The following SHC3 variants were observed in gnomAD, a reference collection of about 807,000 sequenced individuals.
SHC3 encodes SHC adaptor protein 3, also known as SHC-transforming protein 3.
A neutral mutation model predicts 60.4 loss-of-function variants in SHC3; 15 were observed. The ratio of observed to expected loss-of-function variants is 0.25; its 90% CI spans 0.17 to 0.38. The LOEUF is 0.38. Among genes scored for constraint, SHC3 ranks in the 10% least tolerant of loss-of-function variants. The pLI is 1.00. For missense variants in SHC3, 677 were observed against 786.1 expected, an observed-to-expected ratio of 0.86 and a Z score of 1.66; for synonymous variants, 294 against 325.9, an observed-to-expected ratio of 0.90 and a Z score of 1.05.
At chr9:89,067,824 T>G (rs1166214399) in intron 5 of SHC3, among the ~76,000 whole-genome samples, 1 of 152,246 alleles carries the variant, frequency 6.6e-6, no homozygotes, top group Non-Finnish European at 1.5e-5. Flanking sequence ...TTACTTGTAT[T>G]TAACTTTCAA....
At chr9:89,067,400 A>G (rs201753317) in intron 5 of SHC3, among the ~76,000 whole-genome samples, 2 of 152,178 alleles carry the variant, frequency 1.3e-5, no homozygotes, top group African/African-American at 4.8e-5. Flanking sequence ...CATTTCCATG[A>G]TTATCTTAAA....
chr9:89,049,261 AAAAAC>A (rs147607442), intron 7 of SHC3, among the ~76,000 whole-genome samples: 21,264 of 149,652 alleles, frequency 0.14, 1,578 homozygotes, highest in Non-Finnish European at 0.17. Context: ...ACTCCCTCTT[AAAAAC>A]AAAACAAAAC....
At chr9:89,040,991 T>G (rs1479724261) in intron 10 of SHC3, among the ~76,000 whole-genome samples, 2 of 152,224 alleles carry the variant, frequency 1.3e-5, no homozygotes, top group Non-Finnish European at 2.9e-5. Flanking sequence ...TTAGTTAACT[T>G]CTAGGATTCT....
At chr9:89,116,772 T>C (rs551819595) in intron 1 of SHC3, among the ~76,000 whole-genome samples, 4 of 152,236 alleles carry the variant, frequency 2.6e-5, no homozygotes, top group South Asian at 2.1e-4. Context: ...ATGAATACCA[T>C]GAACAACATG....
chr9:89,167,898 A>G (rs542024913), intron 1 of SHC3, among the ~76,000 whole-genome samples: 2 of 152,286 alleles, frequency 1.3e-5, no homozygotes, highest in Admixed American at 6.5e-5. Flanking sequence ...AAAAGCATCA[A>G]TGTAAGGTGG....
intron 2 of SHC3, among the ~76,000 whole-genome samples, chr9:89,098,098 C>A (rs1825731251): frequency 6.6e-6 from 1 of 152,176 alleles, no homozygotes; most frequent in East Asian, 1.9e-4. Flanking sequence ...GCCAGGAATG[C>A]ATAACCTGAC....
chr9:89,006,083 T>C lies in SHC3; in HGVS notation c.*7364A>G, dbSNP rs566661311. The C allele has an allele frequency of 6.6e-6, 1 of 152,358 alleles. No individual in the cohort carries two copies. Among genetic ancestry groups the C allele is most frequent in the South Asian group, 2.1e-4 (1 of 4,826 alleles). 9.4% of individuals were successfully genotyped at this position (152,358 alleles called of 1,614,324 possible). On this transcript the variant is annotated 3_prime_UTR_variant, in exon 12 of 12. Transcript: ENST00000375835. ...CCACTGTTCTGATAATAAAGGCACA[T>C]TTTCCAATAACCAATTATAACAAGA... is the stretch of plus-strand genomic sequence containing the variant.
At chr9:89,132,249 G>A (rs1249209223) in intron 1 of SHC3, among the ~76,000 whole-genome samples, 13 of 152,256 alleles carry the variant, frequency 8.5e-5, no homozygotes, top group East Asian at 5.8e-4. Context: ...ACTGCTCATC[G>A]AAATAAAAGA....
chr9:89,122,897 T>C (rs1433536313), intron 1 of SHC3, among the ~76,000 whole-genome samples: 1 of 152,148 alleles, frequency 6.6e-6, no homozygotes, highest in African/African-American at 2.4e-5. Flanking sequence ...AAACCAATAC[T>C]ATGGCGCCAG....
chr9:89,169,046 T>C (rs1297851774), intron 1 of SHC3, among the ~76,000 whole-genome samples: 1 of 152,238 alleles, frequency 6.6e-6, no homozygotes, highest in African/African-American at 2.4e-5. Context: ...TCTTGGGACT[T>C]GCCTGCCTCC....
At chr9:89,016,732 A>C (rs563508753) in intron 11 of SHC3, among the ~76,000 whole-genome samples, 1 of 152,232 alleles carries the variant, frequency 6.6e-6, no homozygotes, top group African/African-American at 2.4e-5. Flanking sequence ...CTATAGTGCA[A>C]TATCTCTTAT....
At chr9:89,110,321 A>G in intron 2 of SHC3, 1 of 984,820 alleles carries the variant, frequency 1.0e-6, no homozygotes, top group Non-Finnish European at 1.2e-6. Context: ...TTTTTTAATA[A>G]AAGGTGTGAC....
At chr9:89,159,038 A>G (rs930005282) in intron 1 of SHC3, among the ~76,000 whole-genome samples, 2 of 152,192 alleles carry the variant, frequency 1.3e-5, no homozygotes, top group Admixed American at 1.3e-4. Context: ...CAGGGTAGAC[A>G]TGAGTCTGTA....
chr9:89,099,698 A>G (rs1825755752), intron 2 of SHC3, among the ~76,000 whole-genome samples: 1 of 152,216 alleles, frequency 6.6e-6, no homozygotes, highest in Non-Finnish European at 1.5e-5. Context: ...CAACCACACA[A>G]CTGCCATGGG....
chr9:89,053,922 G>A (rs1035411080), intron 6 of SHC3, among the ~76,000 whole-genome samples: 3 of 152,202 alleles, frequency 2.0e-5, no homozygotes, highest in African/African-American at 7.2e-5. Flanking sequence ...CCTGTCCTGT[G>A]CCACGCCCCT....
intron 1 of SHC3, among the ~76,000 whole-genome samples, chr9:89,145,786 G>A (rs1191240121): frequency 6.6e-6 from 1 of 152,064 alleles, no homozygotes; most frequent in African/African-American, 2.4e-5. Context: ...TCGGGAATAG[G>A]GGATTAGTAT....
chr9:89,028,569 TATAG>T (rs1824411873), intron 11 of SHC3, among the ~76,000 whole-genome samples: 1 of 146,334 alleles, frequency 6.8e-6, no homozygotes, highest in Non-Finnish European at 1.5e-5. Flanking sequence ...CTAATCTAGA[TATAG>T]ATATATATTA....
At chr9:89,037,571 T>G in intron 11 of SHC3, 1 of 712,908 alleles carries the variant, frequency 1.4e-6, no homozygotes, top group South Asian at 1.5e-5. Flanking sequence ...TTTCATTTAC[T>G]GATCATCACA....
At chr9:89,074,484 T>C (rs1428636299) in intron 4 of SHC3, among the ~76,000 whole-genome samples, 1 of 152,078 alleles carries the variant, frequency 6.6e-6, no homozygotes, top group Non-Finnish European at 1.5e-5. Context: ...AAATTAATGA[T>C]GACTAGATCA....
Sources: allele counts gnomAD v4.1 joint callset (sites outside exome capture counted in the v4.1 genomes callset), GRCh38; gene constraint gnomAD v4.1.1; transcripts MANE v1.5; gene names NCBI Gene and HGNC (gene_info 2026-07-23, HGNC 2026-07-21).